Variants in FGD6 observed in about 807,000 individuals in gnomAD.
FGD6 encodes FYVE, RhoGEF and PH domain containing 6.
FGD6 carries 90 observed loss-of-function variants against 149.4 expected under a neutral mutation model. That is an observed-to-expected ratio of 0.60 (90% CI 0.51 to 0.72). The LOEUF is 0.72. Ranked by LOEUF, FGD6 falls within the 30% of genes least tolerant of loss-of-function variation. The probability of loss-of-function intolerance (pLI) is 0.00; values close to 1 mark genes in which losing one functional copy is unlikely to be tolerated. For synonymous variants in FGD6, 527 were observed against 584.0 expected, an observed-to-expected ratio of 0.90 and a Z score of 1.41; for missense variants, 1,437 against 1,684.8, an observed-to-expected ratio of 0.85 and a Z score of 2.57.
intron 6 of FGD6, among the ~76,000 whole-genome samples, chr12:95,137,879 T>C (rs1021754196): frequency 2.6e-5 from 4 of 152,154 alleles, no homozygotes; most frequent in Non-Finnish European, 5.9e-5. Flanking sequence ...CCTGCTTCCA[T>C]TCTTGCCCTC....
intron 8 of FGD6, chr12:95,126,320 A>C (rs1158076468): frequency 6.4e-7 from 1 of 1,565,832 alleles, no homozygotes; most frequent in Non-Finnish European, 8.7e-7. Flanking sequence ...CACCTCCTCC[A>C]AAAGCTCAGA....
In FGD6 at chr12:95,142,186, C is replaced by T. The variant is rs1270402475; in HGVS notation, c.2686-647G>A. ...AGATGGAGTCTCGCACTGTCACCCA[C>T]GCTAGAGTACAGTGGCGCGATCTTG... On this transcript the variant is annotated intron_variant, in intron 5 of 20. Coordinates refer to ENST00000343958, the MANE Select transcript of FGD6 (RefSeq NM_018351.4). Among the ~76,000 whole-genome samples, 15 of 139,908 alleles carry T rather than the reference C, an allele frequency of 1.1e-4. No homozygotes were observed. In the South Asian group the frequency reaches 1.2e-3, roughly 11 times the overall value. The allele number at this position is 139,908 out of a possible 152,430, so 91.8% of individuals were successfully genotyped here. A position where few individuals can be genotyped will look rare whatever the true frequency, so the allele number is the denominator to read the frequency against.
chr12:95,174,275 T>C (rs1881069417), intron 2 of FGD6, among the ~76,000 whole-genome samples: 1 of 152,140 alleles, frequency 6.6e-6, no homozygotes, highest in South Asian at 2.1e-4. Flanking sequence ...CGAGAGCAAA[T>C]GAGAGTTAAC....
intron 5 of FGD6, among the ~76,000 whole-genome samples, chr12:95,150,814 G>T (rs777567022): frequency 2.6e-5 from 4 of 152,032 alleles, no homozygotes; most frequent in Admixed American, 6.6e-5. Context: ...TTACAAAAGA[G>T]AACTGGCTGG....
At chr12:95,207,588 C>T (rs545945584) in intron 2 of FGD6, among the ~76,000 whole-genome samples, 3 of 152,242 alleles carry the variant, frequency 2.0e-5, no homozygotes, top group South Asian at 2.1e-4. Context: ...AGAAGGAAGC[C>T]GCTGCAGTGG....
At chr12:95,137,915 G>C (rs1489292245) in intron 6 of FGD6, among the ~76,000 whole-genome samples, 1 of 151,998 alleles carries the variant, frequency 6.6e-6, no homozygotes, top group African/African-American at 2.4e-5. Context: ...AACACAAGGA[G>C]AGACTCTTAA....
chr12:95,192,088 C>CA (rs1881605730), intron 2 of FGD6, among the ~76,000 whole-genome samples: 1 of 152,118 alleles, frequency 6.6e-6, no homozygotes, highest in African/African-American at 2.4e-5. Context: ...AAATGCTACA[C>CA]AAATAGTTGT....
chr12:95,078,719 G>T lies in FGD6; in HGVS notation c.*2801C>A, dbSNP rs1877574053. The T allele has an allele frequency of 6.6e-6, 1 of 152,160 alleles. No homozygotes were observed. The allele number at this position is 152,160 out of a possible 1,614,324, so 9.4% of individuals were successfully genotyped here. On this transcript the variant is annotated 3_prime_UTR_variant, in exon 21 of 21. Transcript: ENST00000343958. ...GAGATAATTACTCTCATTTTCTTAG[G>T]ACTCTGATGGGTCCTGTACATTTAT...
At chr12:95,131,455 C>G (rs1879517566) in intron 8 of FGD6, among the ~76,000 whole-genome samples, 1 of 152,098 alleles carries the variant, frequency 6.6e-6, no homozygotes, top group African/African-American at 2.4e-5. Flanking sequence ...ACTTCCTGAA[C>G]AGCTTCAACA....
At chr12:95,149,168 AATATT>A (rs1383511255) in intron 5 of FGD6, among the ~76,000 whole-genome samples, 1 of 2,044 alleles carries the variant, frequency 4.9e-4, no homozygotes, top group Non-Finnish European at 5.5e-4. Flanking sequence ...TAGCATATAT[AATATT>A]ATATATTATA....
At chr12:95,211,773 C>A (rs7976767) in intron 1 of FGD6, among the ~76,000 whole-genome samples, 1 of 151,934 alleles carries the variant, frequency 6.6e-6, no homozygotes, top group Admixed American at 6.6e-5. Context: ...CTCCTGACCT[C>A]GTGATCCACC....
At chr12:95,147,590 C>T (rs1012726295) in intron 5 of FGD6, among the ~76,000 whole-genome samples, 10 of 152,106 alleles carry the variant, frequency 6.6e-5, no homozygotes, top group African/African-American at 1.9e-4. Context: ...ATATCCTATA[C>T]AGCATGGTAG....
Position 95,210,501 on chromosome 12 carries a change from T to A in FGD6, c.783A>T (p.Glu261Asp). 6.2e-7 allele frequency: 1 copy of A among 1,613,998 alleles called. No homozygotes were observed. The highest frequency in any genetic ancestry group is 8.5e-7 in the Non-Finnish European group (1 of 1,180,002). Reference sequence around the variant, plus strand: ...ATGACTGAAAGCAATTATTGCTTTTTTCACTGTCATCCTGGCAAGTTTCAA... The same window carrying A: ...ATGACTGAAAGCAATTATTGCTTTTATCACTGTCATCCTGGCAAGTTTCAA... The part of the protein sequence containing the change: ...EHFETCQDDS[E>D]KSNNCFQSSE... Residue 261 changes from glutamate to aspartate, a missense_variant, in exon 2 of 21, where the codon GAA (glutamate) becomes GAT (aspartate). Coordinates refer to ENST00000343958, the MANE Select transcript of FGD6 (RefSeq NM_018351.4).
At chr12:95,180,100 A>G (rs575848331) in intron 2 of FGD6, among the ~76,000 whole-genome samples, 2 of 150,122 alleles carry the variant, frequency 1.3e-5, no homozygotes, top group Admixed American at 1.3e-4. Context: ...AAAAGGAGGT[A>G]GATCTATGCA....
intron 2 of FGD6, among the ~76,000 whole-genome samples, chr12:95,177,519 C>T (rs1286777061): frequency 6.6e-6 from 1 of 152,172 alleles, no homozygotes; most frequent in Admixed American, 6.6e-5. Context: ...TAAATCTCAA[C>T]TTCTGTGGTC....
At chr12:95,087,931 AAAAAG>A (rs1316534440) in intron 18 of FGD6, among the ~76,000 whole-genome samples, 1 of 152,198 alleles carries the variant, frequency 6.6e-6, no homozygotes, top group Non-Finnish European at 1.5e-5. Flanking sequence ...CTCAGTGAAA[AAAAAG>A]AGGAAAAAAA....
chr12:95,152,257 T>C (rs532363624), intron 5 of FGD6, among the ~76,000 whole-genome samples: 7 of 152,002 alleles, frequency 4.6e-5, no homozygotes, highest in African/African-American at 7.2e-5. Context: ...ACCCAGGAGG[T>C]TGAAAGGCTG....
chr12:95,182,105 C>T (rs1408710210), intron 2 of FGD6, among the ~76,000 whole-genome samples: 2 of 151,906 alleles, frequency 1.3e-5, no homozygotes, highest in East Asian at 3.8e-4. Context: ...CTGTCTGTTC[C>T]TACTTGATGC....
intron 2 of FGD6, among the ~76,000 whole-genome samples, chr12:95,193,971 T>C (rs1234732080): frequency 6.6e-6 from 1 of 152,164 alleles, no homozygotes; most frequent in Non-Finnish European, 1.5e-5. Context: ...TCTCACTCTG[T>C]CACCCACGCT....
Sources: allele counts gnomAD v4.1 joint callset (sites outside exome capture counted in the v4.1 genomes callset), GRCh38; gene constraint gnomAD v4.1.1; transcripts MANE v1.5; gene names NCBI Gene and HGNC (gene_info 2026-07-23, HGNC 2026-07-21).